Variants in SFR1 observed in about 807,000 individuals in gnomAD.
SFR1 encodes SWI5 dependent homologous recombination repair protein 1.
Under a neutral mutation model 26.2 loss-of-function variants are expected in SFR1, and 24 were observed. The ratio of observed to expected loss-of-function variants is 0.92; its 90% confidence interval spans 0.66 to 1.29. The LOEUF (loss-of-function observed/expected upper bound fraction) is 1.29. Among genes scored for constraint, SFR1 ranks in the 50% most tolerant of loss-of-function variants. SFR1 has a pLI of 0.00. For synonymous variants in SFR1, 77 were observed against 96.6 expected (o/e 0.80, Z 1.19); for missense variants, 276 against 270.2 (o/e 1.02, Z -0.15).
chr10:104,122,195 A>AGGTACCCTGCTGAGGGGAAGGGG lies in SFR1; in HGVS notation c.13+2_13+24dup, dbSNP rs2134699413. 6.5e-7 allele frequency: 1 copy of AGGTACCCTGCTGAGGGGAAGGGG among 1,545,196 alleles called. No homozygotes were observed. The highest frequency in any genetic ancestry group is 1.2e-5 in the South Asian group (1 of 83,894). ...TGCTCTCGCTGGGAATGGCGGAGGG[A>AGGTACCCTGCTGAGGGGAAGGGG]GGTACCCTGCTGAGGGGAAGGGGGG... On this transcript the variant is annotated frameshift_variant and splice_region_variant, in exon 1 of 4. Transcript: ENST00000369727. LOFTEE classifies it high-confidence loss of function.
intron 2 of SFR1, chr10:104,123,300 G>GT (rs563040512): frequency 2.0e-6 from 1 of 490,508 alleles, no homozygotes; most frequent in Non-Finnish European, 3.6e-6. Context: ...ATTCATTTCA[G>GT]TTAGTTTCAG....
chr10:104,122,666 T>C, intron 1 of SFR1: 2 of 1,343,626 alleles, frequency 1.5e-6, no homozygotes, highest in Non-Finnish European at 9.6e-7. Flanking sequence ...AAAGCTGTTA[T>C]TCTTCCCTAC....
In SFR1 at chr10:104,122,957, T is replaced by C; in HGVS notation, c.14-8T>C. On this transcript the variant is annotated splice_polypyrimidine_tract_variant and splice_region_variant and intron_variant, in intron 1 of 3. Coordinates refer to ENST00000369727, the MANE Select transcript of SFR1 (RefSeq NM_001002759.2). Reference sequence around the variant, plus strand: ...TAATTCGATTATTTTATAATTTTTCTTTTTTAGAGAAAAACCAAGATTTCA... The same window carrying C: ...TAATTCGATTATTTTATAATTTTTCCTTTTTAGAGAAAAACCAAGATTTCA... The C allele has an allele frequency of 2.5e-6, 4 of 1,612,122 alleles. No homozygotes were observed. Among genetic ancestry groups the C allele is most frequent in the Non-Finnish European group, 2.5e-6 (3 of 1,178,664 alleles).
intron 1 of SFR1, 28 bp from the exon 2 acceptor site, chr10:104,122,937 C>A (rs1285835777): frequency 5.6e-6 from 9 of 1,607,704 alleles, no homozygotes; most frequent in South Asian, 1.1e-5. Flanking sequence ...GTGGTTAATT[C>A]GATTATTTTA....
upstream of SFR1, among the ~76,000 whole-genome samples, chr10:104,121,727 G>C: frequency 6.6e-6 from 1 of 152,202 alleles, no homozygotes; most frequent in East Asian, 1.9e-4. Flanking sequence ...GGCACTTTCA[G>C]GCGCACTTCA....
intron 1 of SFR1, chr10:104,122,762 T>C: frequency 6.7e-7 from 1 of 1,483,142 alleles, no homozygotes; most frequent in Non-Finnish European, 8.9e-7. Flanking sequence ...CTGGTTGATG[T>C]ATCATGAAAA....
chr10:104,123,407 CTG>C (rs1834108232), intron 2 of SFR1: 4 of 367,754 alleles, frequency 1.1e-5, no homozygotes, highest in South Asian at 1.2e-4. Context: ...TTTCCTTACT[CTG>C]TAATTCTGAA....
chr10:104,122,540 C>T, intron 1 of SFR1: 1 of 985,408 alleles, frequency 1.0e-6, no homozygotes, highest in Non-Finnish European at 1.2e-6. Flanking sequence ...GGGTTCTAGT[C>T]ACAGCTTGTA....
In SFR1 at chr10:104,123,958, C is replaced by G. The variant is rs1387286334; in HGVS notation, c.380C>G (p.Ser127Cys). ...TTGAAGAATCTCAATGTCTGTGAAT[C>G]TCAGTCACTTGATTCTGGATCATGC... ...NTLKNLNVCE[S>C]QSLDSGSCSA... The change falls in exon 3 of 4, where the codon TCT becomes TGT. Residue 127 changes from serine to cysteine, a missense_variant. By Grantham distance (112) the Ser-to-Cys change is moderately radical. Coordinates refer to ENST00000369727, the MANE Select transcript of SFR1 (RefSeq NM_001002759.2). 6.2e-7 allele frequency: 1 copy of G among 1,613,766 alleles called. No homozygotes were observed. Among genetic ancestry groups the G allele is most frequent in the Non-Finnish European group, 8.5e-7 (1 of 1,179,904 alleles).
chr10:104,120,835 G>T (rs2086953626), upstream of SFR1, among the ~76,000 whole-genome samples: 1 of 152,138 alleles, frequency 6.6e-6, no homozygotes, highest in South Asian at 2.1e-4. Context: ...CTCAGGTTCT[G>T]TAATTATTAT....
chr10:104,123,064 A>C lies in SFR1; in HGVS notation c.113A>C (p.Tyr38Ser), dbSNP rs753777639. 1 of 1,576,182 alleles carries C rather than the reference A, an allele frequency of 6.3e-7. No individual in the cohort carries two copies. Among genetic ancestry groups the C allele is most frequent in the Non-Finnish European group, 8.6e-7 (1 of 1,164,530 alleles). Reference sequence around the variant, plus strand: ...GCCTCTGCGAATCCATCATCTCCCTATACAAATAGTTCCCGAAAACAAGTA... The same window carrying C: ...GCCTCTGCGAATCCATCATCTCCCTCTACAAATAGTTCCCGAAAACAAGTA... Reference protein sequence around the residue: ...PQASANPSSPYTNSSRKQPMS... With the variant: ...PQASANPSSPSTNSSRKQPMS... The change falls in exon 2 of 4, where the codon TAT becomes TCT. Residue 38 changes from tyrosine to serine, a missense_variant. By Grantham distance (144) the Tyr-to-Ser change is moderately radical. Transcript: ENST00000369727.
intron 1 of SFR1, 36 bp from the exon 2 acceptor site, chr10:104,122,928 TG>T: frequency 6.2e-7 from 1 of 1,605,834 alleles, no homozygotes. Context: ...TAGAGAGGTG[TG>T]GTTAATTCGA....
intron 3 of SFR1, 100 bp downstream of exon 3, chr10:104,124,224 A>G (rs1440864034): frequency 8.4e-6 from 9 of 1,068,624 alleles, no homozygotes; most frequent in Non-Finnish European, 7.7e-6. Context: ...ATAATAAGCA[A>G]TAAGCCAAAT....
intron 3 of SFR1, among the ~76,000 whole-genome samples, chr10:104,125,036 C>CA (rs1378140183): frequency 1.3e-5 from 2 of 152,170 alleles, no homozygotes; most frequent in Non-Finnish European, 2.9e-5. Context: ...CTCCTGGGCT[C>CA]AAGCAGTCCT....
Position 104,123,787 on chromosome 10 carries a change from A to AAC in SFR1, c.210_211dup (p.Arg71HisfsTer5), listed in dbSNP as rs1178151731. On this transcript the variant is annotated frameshift_variant, in exon 3 of 4. Coordinates refer to ENST00000369727, the MANE Select transcript of SFR1 (RefSeq NM_001002759.2). LOFTEE classifies it high-confidence loss of function. ...TTTAATTCCTCTTACAATGTGGTGA[A>AAC]ACGTCTTAAAGTAGAGAGTGAAGAA... is the stretch of plus-strand genomic sequence containing the variant. 3.7e-6 allele frequency: 6 copies of AAC among 1,612,144 alleles called. No individual in the cohort carries two copies. Among genetic ancestry groups the AAC allele is most frequent in the Non-Finnish European group, 5.1e-6 (6 of 1,179,556 alleles).
chr10:104,122,079 C>A (rs930058545), upstream of SFR1: 36 of 1,347,640 alleles, frequency 2.7e-5, no homozygotes, highest in Admixed American at 2.0e-5. Flanking sequence ...GCGCGTCAGG[C>A]AATCTGGCCA....
intron 1 of SFR1, chr10:104,122,519 G>A (rs1041254053): frequency 6.1e-6 from 6 of 985,298 alleles, no homozygotes; most frequent in Non-Finnish European, 7.2e-6. Flanking sequence ...GCCTCGGGCC[G>A]GCAGGGTAAC....
intron 3 of SFR1, 57 bp from the exon 4 acceptor site, chr10:104,125,451 CTTTAA>C (rs1163802052): frequency 1.0e-5 from 14 of 1,369,704 alleles, no homozygotes; most frequent in African/African-American, 1.5e-5. Context: ...AATTTAACAA[CTTTAA>C]TTAAGTTGAA....
Position 104,125,617 on chromosome 10 carries a change from A to G in SFR1, c.651A>G (p.Leu217=), listed in dbSNP as rs763543210. ...QSAVSEENKK[L]SLTQLIDHYG... ...CTGTGTCTGAAGAGAACAAGAAACT[A>G]AGCCTTACTCAATTGATAGACCACT... The change falls in exon 4 of 4, where the codon CTA becomes CTG. Residue 217 remains leucine, a synonymous_variant. Coordinates refer to ENST00000369727, the MANE Select transcript of SFR1 (RefSeq NM_001002759.2). 3.1e-6 allele frequency: 5 copies of G among 1,613,374 alleles called. No homozygotes were observed. The highest frequency in any genetic ancestry group is 4.2e-6 in the Non-Finnish European group (5 of 1,179,454).
Sources: allele counts gnomAD v4.1 joint callset (sites outside exome capture counted in the v4.1 genomes callset), GRCh38; gene constraint gnomAD v4.1.1; transcripts MANE v1.5; gene names NCBI Gene and HGNC (gene_info 2026-07-23, HGNC 2026-07-21).